The following ADGRL3 variants were observed in gnomAD, a reference collection of about 807,000 sequenced individuals.
ADGRL3 encodes the protein calcium-independent alpha-latrotoxin receptor 3.
ADGRL3 carries 62 observed loss-of-function variants against 153.5 expected under a neutral mutation model. The ratio of observed to expected loss-of-function variants is 0.40; its 90% CI spans 0.33 to 0.50. ADGRL3 has a LOEUF of 0.50. Among genes scored for constraint, ADGRL3 ranks in the 20% least tolerant of loss-of-function variants. ADGRL3 has a pLI of 0.47. For missense variants in ADGRL3, 1,641 were observed against 1,859.4 expected, an observed-to-expected ratio of 0.88 and a Z score of 2.16; for synonymous variants, 710 against 672.5, an observed-to-expected ratio of 1.06 and a Z score of -0.86.
intron 1 of ADGRL3, among the ~76,000 whole-genome samples, chr4:61,381,293 TTGTGTGTG>T (rs55767359): frequency 0.18 from 25,451 of 141,392 alleles, 2,328 homozygotes; most frequent in South Asian, 0.25. Flanking sequence ...ATAAACAAGT[TTGTGTGTG>T]TGTGTGTGTG....
chr4:61,966,577 T>A (rs944624450), intron 17 of ADGRL3, among the ~76,000 whole-genome samples: 1 of 136,916 alleles, frequency 7.3e-6, no homozygotes, highest in Non-Finnish European at 1.7e-5. Flanking sequence ...AAAAGGGGTG[T>A]GTGTGTGTGT....
chr4:62,011,606 T>A (rs1309856461), intron 21 of ADGRL3, among the ~76,000 whole-genome samples: 1 of 152,150 alleles, frequency 6.6e-6, no homozygotes, highest in African/African-American at 2.4e-5. Context: ...CTACTTTTGC[T>A]GTTTTCTCAA....
chr4:61,298,390 G>A (rs568611493), intron 1 of ADGRL3, among the ~76,000 whole-genome samples: 1 of 152,248 alleles, frequency 6.6e-6, no homozygotes, highest in South Asian at 2.1e-4. Flanking sequence ...AATTGTGCCG[G>A]TAGAGATAAC....
At chr4:61,535,502 T>C (rs2098650103) in intron 4 of ADGRL3, among the ~76,000 whole-genome samples, 1 of 152,068 alleles carries the variant, frequency 6.6e-6, no homozygotes, top group Non-Finnish European at 1.5e-5. Flanking sequence ...ATTAGTTTCA[T>C]TAAGATTGGT....
intron 8 of ADGRL3, among the ~76,000 whole-genome samples, chr4:61,773,484 A>G (rs1362221690): frequency 6.6e-6 from 1 of 152,218 alleles, no homozygotes; most frequent in African/African-American, 2.4e-5. Flanking sequence ...AAATTATTAC[A>G]TTGTTAATAA....
chr4:61,956,859 T>G (rs1165157497), intron 17 of ADGRL3, among the ~76,000 whole-genome samples: 2 of 152,120 alleles, frequency 1.3e-5, no homozygotes, highest in African/African-American at 4.8e-5. Context: ...ATGTGTGGTG[T>G]TATTTCTGAG....
At chr4:61,751,352 A>G (rs1055340979) in intron 8 of ADGRL3, among the ~76,000 whole-genome samples, 18 of 152,066 alleles carry the variant, frequency 1.2e-4, no homozygotes, top group African/African-American at 4.4e-4. Context: ...ATAATAAGTT[A>G]TTATTATTTC....
chr4:62,074,890 T>G lies in ADGRL3; in HGVS notation c.*3982T>G, dbSNP rs181145986. ...AATAGATATAAGCATATAAGGGAAT[T>G]AGTAACATTTATAAAGGACCCACAT... is the stretch of plus-strand genomic sequence containing the variant. On this transcript the variant is annotated 3_prime_UTR_variant, in exon 27 of 27. Coordinates refer to ENST00000683033, the MANE Select transcript of ADGRL3 (RefSeq NM_001387552.1). 22 of 152,254 alleles carry G rather than the reference T, an allele frequency of 1.4e-4. No individual in the cohort carries two copies. In the East Asian group the frequency reaches 4.1e-3, roughly 28 times the overall value. The allele number at this position is 152,254 out of a possible 1,614,324, so 9.4% of individuals were successfully genotyped here.
At chr4:61,929,324 A>G (rs1251813184) in intron 13 of ADGRL3, among the ~76,000 whole-genome samples, 1 of 152,156 alleles carries the variant, frequency 6.6e-6, no homozygotes, top group Non-Finnish European at 1.5e-5. Flanking sequence ...AGCTTCCAGA[A>G]CTGTGAGCAA....
chr4:61,622,520 A>G (rs1560950812), intron 5 of ADGRL3, among the ~76,000 whole-genome samples: 1 of 152,110 alleles, frequency 6.6e-6, no homozygotes, highest in South Asian at 2.1e-4. Flanking sequence ...TGGAATAATA[A>G]TAATTAAAGT....
At chr4:61,782,190 C>T (rs2345043) in intron 8 of ADGRL3, among the ~76,000 whole-genome samples, 81,605 of 151,864 alleles carry the variant, frequency 0.54, 23,468 homozygotes, top group African/African-American at 0.74. Flanking sequence ...ATGTGAGTTC[C>T]CTGTTATTTT....
chr4:61,729,797 C>T (rs1253537493), intron 6 of ADGRL3, among the ~76,000 whole-genome samples: 2 of 151,834 alleles, frequency 1.3e-5, no homozygotes, highest in African/African-American at 2.4e-5. Flanking sequence ...TTGTATTGGT[C>T]AGTACCTTAA....
intron 8 of ADGRL3, among the ~76,000 whole-genome samples, chr4:61,735,976 AT>A (rs2096504582): frequency 6.6e-6 from 1 of 152,070 alleles, no homozygotes. Context: ...TGCCAAAAAT[AT>A]TTTTAGCATA....
At chr4:61,816,218 A>G (rs1414021117) in intron 9 of ADGRL3, among the ~76,000 whole-genome samples, 1 of 152,224 alleles carries the variant, frequency 6.6e-6, no homozygotes, top group African/African-American at 2.4e-5. Context: ...CAGTATAGTG[A>G]TCTACTCCAA....
rs748140786 is a variant in ADGRL3, at chr4:61,497,354, A to AT, written c.55+11dup. The AT allele has an allele frequency of 4.4e-6, 7 of 1,592,066 alleles. No individual in the cohort carries two copies. The highest frequency in any genetic ancestry group is 2.6e-6 in the Non-Finnish European group (3 of 1,168,090). On this transcript the variant is annotated splice_region_variant and intron_variant, in intron 3 of 26. Transcript: ENST00000683033. ...CTTAGCTCCAATAATTCATGGTAAG[A>AT]TTTTTCAGATTTTTGTGTAATGCTT... is the stretch of plus-strand genomic sequence containing the variant.
At chr4:61,311,909 C>T (rs1160580837) in intron 1 of ADGRL3, among the ~76,000 whole-genome samples, 1 of 151,970 alleles carries the variant, frequency 6.6e-6, no homozygotes, top group Non-Finnish European at 1.5e-5. Flanking sequence ...AAGGATGTGT[C>T]AATGCAGGTA....
At chr4:61,506,699 T>C (rs1213980085) in intron 3 of ADGRL3, among the ~76,000 whole-genome samples, 4 of 152,140 alleles carry the variant, frequency 2.6e-5, no homozygotes, top group African/African-American at 9.7e-5. Flanking sequence ...TTGGTATCAT[T>C]AGTTTTATGT....
At chr4:61,587,081 A>G (rs969719127) in intron 4 of ADGRL3, 146 bp from the exon 5 acceptor site, 7 of 477,440 alleles carry the variant, frequency 1.5e-5, no homozygotes, top group Admixed American at 1.1e-4. Flanking sequence ...GAAGAGAAAA[A>G]TATTCTAGTT....
chr4:61,203,895 T>G (rs1302940416), intron 1 of ADGRL3, among the ~76,000 whole-genome samples: 1 of 129,238 alleles, frequency 7.7e-6, no homozygotes, highest in African/African-American at 2.9e-5. Flanking sequence ...GAATTATCTC[T>G]CAGCTTTGTT....
Sources: gnomAD v4.1 joint callset for allele counts (sites outside exome capture counted in the v4.1 genomes callset) on GRCh38, gnomAD v4.1.1 for gene constraint, MANE v1.5 for transcripts, NCBI Gene and HGNC (gene_info 2026-07-23, HGNC 2026-07-21) for gene names.